ZNF618: variants seen among roughly 807,000 people sequenced by gnomAD.
ZNF618 encodes the protein neural precursor cell expressed, developmentally down-regulated 10.
In ZNF618, 34 loss-of-function variants were observed where a neutral mutation model predicts 103.0. That is an observed-to-expected ratio of 0.33 (90% CI 0.25 to 0.44). The LOEUF is 0.44. Among genes scored for constraint, ZNF618 ranks in the 20% least tolerant of loss-of-function variants. The pLI is 1.00. For missense variants in ZNF618, 1,059 were observed against 1,295.4 expected (o/e 0.82, Z 2.80); for synonymous variants, 551 against 542.2 (o/e 1.02, Z -0.23).
intron 6 of ZNF618, among the ~76,000 whole-genome samples, chr9:114,003,552 C>T (rs1456148092): frequency 1.3e-5 from 2 of 152,224 alleles, no homozygotes; most frequent in Non-Finnish European, 2.9e-5. Flanking sequence ...TAGCTACACA[C>T]AGCAACATGG....
chr9:114,009,047 C>T (rs1842012771), intron 9 of ZNF618, among the ~76,000 whole-genome samples: 1 of 152,194 alleles, frequency 6.6e-6, no homozygotes, highest in South Asian at 2.1e-4. Context: ...CTGTCTCTGT[C>T]CCAGGACACC....
chr9:113,933,452 G>T (rs1833776601), intron 1 of ZNF618, among the ~76,000 whole-genome samples: 1 of 152,208 alleles, frequency 6.6e-6, no homozygotes, highest in African/African-American at 2.4e-5. Context: ...CGCAGGAAGA[G>T]TGACTTTAGA....
rs1341388409 is a variant in ZNF618 at position 113,941,747 on chromosome 9, A to G, written c.34-27370A>G. On this transcript the variant is annotated intron_variant, in intron 1 of 14. Coordinates refer to ENST00000374126, the MANE Select transcript of ZNF618 (RefSeq NM_001318042.2). ...TCCTCTTTGTTTTTGGAGTTGGGAA[A>G]CTTTTATCAGGATGTGTCTAGATGT... Among the ~76,000 whole-genome samples, 6 of 150,726 alleles carry G rather than the reference A, an allele frequency of 4.0e-5. No individual in the cohort carries two copies. The East Asian group carries it at 9.8e-4, about 25-fold the overall frequency.
At chr9:114,001,269 G>A (rs180865972) in intron 4 of ZNF618, among the ~76,000 whole-genome samples, 2 of 136,050 alleles carry the variant, frequency 1.5e-5, no homozygotes, top group Non-Finnish European at 3.3e-5. Context: ...GAAGGGCCTG[G>A]CAAGGGGCTG....
At chr9:113,940,717 C>T (rs1455391606) in intron 1 of ZNF618, among the ~76,000 whole-genome samples, 2 of 152,096 alleles carry the variant, frequency 1.3e-5, no homozygotes, top group African/African-American at 4.8e-5. Flanking sequence ...GTAAGACTCA[C>T]AAGTAGTTGC....
chr9:113,905,167 C>G (rs900168442), intron 1 of ZNF618, among the ~76,000 whole-genome samples: 2 of 152,098 alleles, frequency 1.3e-5, no homozygotes, highest in African/African-American at 2.4e-5. Context: ...CCTCCTGGTT[C>G]AAGCGATTCT....
At chr9:114,046,680 T>C (rs1188420844) in intron 13 of ZNF618, among the ~76,000 whole-genome samples, 1 of 152,204 alleles carries the variant, frequency 6.6e-6, no homozygotes, top group Admixed American at 6.5e-5. Flanking sequence ...GGGGTTCTGG[T>C]AGATGCTCTT....
chr9:113,955,916 G>C (rs1292279610), intron 1 of ZNF618, among the ~76,000 whole-genome samples: 1 of 152,014 alleles, frequency 6.6e-6, no homozygotes, highest in Admixed American at 6.6e-5. Flanking sequence ...TGCTTTGGGG[G>C]TCAGGAGGCC....
chr9:113,935,850 TG>T (rs1833983142), intron 1 of ZNF618, among the ~76,000 whole-genome samples: 1 of 152,316 alleles, frequency 6.6e-6, no homozygotes, highest in South Asian at 2.1e-4. Context: ...AAGGCGGATT[TG>T]GGGCCTAGGG....
At chr9:113,900,150 C>T (rs1830389690) in intron 1 of ZNF618, among the ~76,000 whole-genome samples, 1 of 152,126 alleles carries the variant, frequency 6.6e-6, no homozygotes, top group Non-Finnish European at 1.5e-5. Context: ...CTCTGCCTCC[C>T]AGGTTCAAGT....
intron 14 of ZNF618, among the ~76,000 whole-genome samples, chr9:114,048,349 T>C (rs1845841217): frequency 1.3e-5 from 2 of 152,194 alleles, no homozygotes; most frequent in South Asian, 4.1e-4. Flanking sequence ...GATTCCTGTA[T>C]TGAGGAAGAA....
At chr9:113,973,913 A>C (rs956015403) in intron 2 of ZNF618, among the ~76,000 whole-genome samples, 3 of 152,224 alleles carry the variant, frequency 2.0e-5, no homozygotes, top group African/African-American at 7.2e-5. Flanking sequence ...TAGGTTGCCC[A>C]ACAAGTGAAC....
intron 9 of ZNF618, among the ~76,000 whole-genome samples, chr9:114,012,993 A>G (rs564090785): frequency 1.3e-4 from 9 of 69,680 alleles, no homozygotes; most frequent in East Asian, 2.6e-3. Flanking sequence ...AACTATAGGA[A>G]AAAAAAAAAA....
chr9:114,008,287 A>G, intron 7 of ZNF618, 57 bp from the exon 8 acceptor site: 1 of 1,608,884 alleles, frequency 6.2e-7, no homozygotes, highest in Non-Finnish European at 8.5e-7. Context: ...GCAGGGACTA[A>G]CAGGGCTCCT....
chr9:113,984,696 G>A (rs571301473), intron 2 of ZNF618, among the ~76,000 whole-genome samples: 2 of 152,324 alleles, frequency 1.3e-5, no homozygotes, highest in African/African-American at 2.4e-5. Context: ...TGGGCCGGGG[G>A]CCCCATCTGT....
intron 2 of ZNF618, among the ~76,000 whole-genome samples, chr9:113,981,702 T>C (rs913542082): frequency 6.6e-6 from 1 of 152,250 alleles, no homozygotes; most frequent in African/African-American, 2.4e-5. Context: ...AGTTACTTGG[T>C]TGCATTGTCT....
intron 9 of ZNF618, among the ~76,000 whole-genome samples, chr9:114,011,355 C>T (rs1209023553): frequency 6.6e-6 from 1 of 152,234 alleles, no homozygotes; most frequent in Admixed American, 6.5e-5. Flanking sequence ...AGTGTGTTCT[C>T]TGTATCTGTA....
intron 1 of ZNF618, among the ~76,000 whole-genome samples, chr9:113,887,058 T>C (rs779801419): frequency 2.7e-5 from 4 of 150,078 alleles, no homozygotes; most frequent in East Asian, 2.0e-4. Context: ...TATATTTCTA[T>C]TGGACAGTGC....
chr9:114,017,085 C>A (rs139918292), intron 10 of ZNF618, among the ~76,000 whole-genome samples: 2 of 152,262 alleles, frequency 1.3e-5, no homozygotes, highest in Non-Finnish European at 2.9e-5. Flanking sequence ...CCTGCTGTGG[C>A]CCTCTTCTAG....
Sources: allele counts gnomAD v4.1 joint callset (sites outside exome capture counted in the v4.1 genomes callset), GRCh38; gene constraint gnomAD v4.1.1; transcripts MANE v1.5; gene names NCBI Gene and HGNC (gene_info 2026-07-23, HGNC 2026-07-21).